The following TTLL11 variants were observed in gnomAD, a reference collection of about 807,000 sequenced individuals.
TTLL11 encodes tubulin polyglutamylase TTLL11.
TTLL11 carries 42 observed loss-of-function variants against 51.7 expected under a neutral mutation model. The ratio of observed to expected loss-of-function variants is 0.81; its 90% CI spans 0.64 to 1.05. The LOEUF (loss-of-function observed/expected upper bound fraction) is 1.05. TTLL11 is among the 50% of genes least tolerant of loss of function. TTLL11 has a pLI of 0.00. For missense variants in TTLL11, 799 were observed against 940.4 expected (o/e 0.85, Z 1.97); for synonymous variants, 381 against 383.5 (o/e 0.99, Z 0.08).
chr9:121,852,120 C>T (rs577613188), intron 8 of TTLL11, among the ~76,000 whole-genome samples: 8 of 152,216 alleles, frequency 5.3e-5, no homozygotes, highest in Non-Finnish European at 1.2e-4. Flanking sequence ...GTTTCCTCCT[C>T]TGTATATAGG....
chr9:121,823,186 A>G (rs1005851999), intron 8 of TTLL11, among the ~76,000 whole-genome samples: 2 of 152,248 alleles, frequency 1.3e-5, no homozygotes. Context: ...AGCTGGGGAA[A>G]GTTATATAAG....
At chr9:121,892,137 T>TATATACATATATA (rs1839266099) in intron 6 of TTLL11, among the ~76,000 whole-genome samples, 2 of 147,360 alleles carry the variant, frequency 1.4e-5, no homozygotes, top group African/African-American at 4.9e-5. Context: ...TACCTTTATA[T>TATATACATATATA]ATATACACAC....
chr9:122,019,712 G>A (rs1024795832), intron 3 of TTLL11, among the ~76,000 whole-genome samples: 2 of 152,168 alleles, frequency 1.3e-5, no homozygotes, highest in African/African-American at 2.4e-5. Context: ...CAGCCTCCCA[G>A]AGTGCTGGGA....
At chr9:121,843,037 T>C (rs1837405936) in intron 8 of TTLL11, among the ~76,000 whole-genome samples, 1 of 152,066 alleles carries the variant, frequency 6.6e-6, no homozygotes, top group African/African-American at 2.4e-5. Flanking sequence ...CATAAAGAGC[T>C]TAGAAGTCAT....
At chr9:121,986,370 C>T (rs929171148) in intron 4 of TTLL11, among the ~76,000 whole-genome samples, 2 of 152,244 alleles carry the variant, frequency 1.3e-5, no homozygotes, top group African/African-American at 2.4e-5. Flanking sequence ...CCTAGAATAG[C>T]TGTCATTGTC....
chr9:121,894,876 T>G (rs1280998854), intron 6 of TTLL11, among the ~76,000 whole-genome samples: 1 of 152,278 alleles, frequency 6.6e-6, no homozygotes, highest in African/African-American at 2.4e-5. Flanking sequence ...TCTGCACGTG[T>G]ATCCCAGAAC....
At chr9:121,998,258 G>A (rs1022314626) in intron 3 of TTLL11, among the ~76,000 whole-genome samples, 2 of 151,856 alleles carry the variant, frequency 1.3e-5, no homozygotes, top group Non-Finnish European at 2.9e-5. Context: ...ACATTAAGTC[G>A]CTTAGGGTTT....
chr9:121,897,502 T>A (rs1839571097), intron 6 of TTLL11, among the ~76,000 whole-genome samples: 1 of 152,016 alleles, frequency 6.6e-6, no homozygotes, highest in East Asian at 1.9e-4. Context: ...GACTCCAGAT[T>A]GATCTAATTT....
intron 4 of TTLL11, among the ~76,000 whole-genome samples, chr9:121,983,102 T>C (rs1446086653): frequency 6.6e-6 from 1 of 152,212 alleles, no homozygotes; most frequent in African/African-American, 2.4e-5. Context: ...TGGAGTTGGT[T>C]AGAAGCGGTT....
intron 6 of TTLL11, among the ~76,000 whole-genome samples, chr9:121,923,265 G>A (rs532187195): frequency 1.3e-5 from 2 of 152,280 alleles, no homozygotes; most frequent in South Asian, 2.1e-4. Flanking sequence ...TGATTATGAG[G>A]ATTGCATAGC....
chr9:121,876,647 G>A (rs934102147), intron 6 of TTLL11, among the ~76,000 whole-genome samples: 4 of 152,296 alleles, frequency 2.6e-5, no homozygotes, highest in Admixed American at 6.5e-5. Context: ...TTAAAACCAC[G>A]CTGGAGACGA....
At chr9:122,059,030 T>G (rs1371672634) in intron 1 of TTLL11, among the ~76,000 whole-genome samples, 1 of 151,882 alleles carries the variant, frequency 6.6e-6, no homozygotes, top group Non-Finnish European at 1.5e-5. Context: ...TGGGACTGGC[T>G]TACACACCTC....
intron 3 of TTLL11, among the ~76,000 whole-genome samples, chr9:122,014,023 C>A (rs936361789): frequency 3.9e-5 from 6 of 152,096 alleles, no homozygotes; most frequent in African/African-American, 1.4e-4. Context: ...TGGGGGAAGG[C>A]TAGATGACTT....
At chr9:121,971,279 C>A (rs1370964803) in intron 6 of TTLL11, among the ~76,000 whole-genome samples, 1 of 113,778 alleles carries the variant, frequency 8.8e-6, no homozygotes, top group African/African-American at 3.2e-5. Context: ...GGGGGTCAGC[C>A]CCCCTGCCCG....
intron 6 of TTLL11, among the ~76,000 whole-genome samples, chr9:121,919,482 C>T (rs907093927): frequency 2.6e-5 from 4 of 152,188 alleles, no homozygotes; most frequent in African/African-American, 9.7e-5. Context: ...AGGCATAACG[C>T]TTCAAGGGCC....
chr9:121,845,213 C>CGTCT (rs1837483835), intron 8 of TTLL11, among the ~76,000 whole-genome samples: 1 of 152,012 alleles, frequency 6.6e-6, no homozygotes, highest in Admixed American at 6.5e-5. Context: ...TTACACCAGC[C>CGTCT]ATCTCACCTA....
chr9:121,860,806 G>A (rs1433781618), intron 7 of TTLL11, among the ~76,000 whole-genome samples: 1 of 152,222 alleles, frequency 6.6e-6, no homozygotes, highest in African/African-American at 2.4e-5. Context: ...CCAGAACCAT[G>A]AGAAGTAAAT....
At chr9:122,007,739 C>G (rs1843696624) in intron 3 of TTLL11, among the ~76,000 whole-genome samples, 1 of 152,096 alleles carries the variant, frequency 6.6e-6, no homozygotes, top group South Asian at 2.1e-4. Flanking sequence ...CACTAATTGG[C>G]AACATCACAA....
chr9:122,073,994 C>T lies in TTLL11; in HGVS notation c.462+18693G>A, dbSNP rs576791452. Among the ~76,000 whole-genome samples the T allele has an allele frequency of 1.6e-4, 25 of 152,272 alleles. No homozygotes were observed. In the South Asian group the frequency reaches 3.1e-3, roughly 19 times the overall value. On this transcript the variant is annotated intron_variant, in intron 1 of 8. Coordinates refer to ENST00000321582, the MANE Select transcript of TTLL11 (RefSeq NM_001139442.2). ...TGTACAAGAGTGCCATGATGCTGGC[C>T]GGGCGCAGTGGCTTACACCTGTAAT...
Sources: gnomAD v4.1 joint callset for allele counts (sites outside exome capture counted in the v4.1 genomes callset) on GRCh38, gnomAD v4.1.1 for gene constraint, MANE v1.5 for transcripts, NCBI Gene and HGNC (gene_info 2026-07-23, HGNC 2026-07-21) for gene names.